SEMA6D: variants seen among roughly 807,000 people sequenced by gnomAD.
SEMA6D encodes the protein semaphorin-6D.
In SEMA6D, 35 loss-of-function variants were observed where a neutral mutation model predicts 106.6. That is an observed-to-expected ratio of 0.33 (90% CI 0.25 to 0.44). SEMA6D has a LOEUF of 0.44. SEMA6D is among the 20% of genes least tolerant of loss of function. SEMA6D has a pLI of 1.00. For missense variants in SEMA6D, 1,185 were observed against 1,345.9 expected (o/e 0.88, Z 1.87); for synonymous variants, 499 against 487.7 (o/e 1.02, Z -0.31).
chr15:47,550,248 G>A lies in SEMA6D; in HGVS notation c.-86-50617G>A, dbSNP rs79155558. 8.0e-3 allele frequency among the ~76,000 whole-genome samples: 1,217 copies of A among 152,244 alleles called. 9 individuals carry two copies. The highest frequency in any genetic ancestry group is 0.012 in the Non-Finnish European group (821 of 68,004). On this transcript the variant is annotated intron_variant, in intron 3 of 19. Coordinates refer to the SEMA6D transcript ENST00000558014. ...TTTGATGCAGGGCAAGAATAACCAA[G>A]CATCTTCTCTGGGTCCATTTTTTAA... is the stretch of plus-strand genomic sequence containing the variant.
intron 1 of SEMA6D, among the ~76,000 whole-genome samples, chr15:47,243,711 G>A (rs1296246571): frequency 6.6e-6 from 1 of 151,908 alleles, no homozygotes; most frequent in Non-Finnish European, 1.5e-5. Context: ...GATCTCTGGT[G>A]TGTGAGTTTT....
intron 2 of SEMA6D, among the ~76,000 whole-genome samples, chr15:47,453,035 C>G (rs1231580085): frequency 6.6e-6 from 1 of 151,786 alleles, no homozygotes; most frequent in Non-Finnish European, 1.5e-5. Flanking sequence ...AAAAGTAAAG[C>G]TCATACCACA....
intron 1 of SEMA6D, among the ~76,000 whole-genome samples, chr15:47,349,680 A>G (rs1406662491): frequency 6.6e-6 from 1 of 152,192 alleles, no homozygotes. Context: ...AGAAAGTGGA[A>G]TTGAGATCAT....
intron 4 of SEMA6D, among the ~76,000 whole-genome samples, chr15:47,708,057 C>T (rs1450798795): frequency 2.0e-5 from 3 of 152,150 alleles, no homozygotes. Flanking sequence ...ATCTTCTGTC[C>T]TGACCCCTAC....
At chr15:47,614,812 G>C (rs1035876626) in intron 4 of SEMA6D, among the ~76,000 whole-genome samples, 1 of 152,218 alleles carries the variant, frequency 6.6e-6, no homozygotes, top group African/African-American at 2.4e-5. Context: ...ATGTGTGACA[G>C]TGACAATTTA....
chr15:47,692,179 A>G (rs1596650461), intron 4 of SEMA6D, among the ~76,000 whole-genome samples: 1 of 152,110 alleles, frequency 6.6e-6, no homozygotes, highest in Non-Finnish European at 1.5e-5. Context: ...TTATATGCAT[A>G]TTTGTTCCTT....
chr15:47,319,110 G>T (rs1390001942), intron 1 of SEMA6D, among the ~76,000 whole-genome samples: 8 of 151,960 alleles, frequency 5.3e-5, no homozygotes, highest in Non-Finnish European at 1.0e-4. Flanking sequence ...TGTTTCGTCA[G>T]CCATGTCCAG....
chr15:47,241,418 G>A (rs1026881202), intron 1 of SEMA6D: 2 of 152,302 alleles, frequency 1.3e-5, no homozygotes, highest in African/African-American at 4.8e-5. Context: ...TGTTTTTGTT[G>A]TTGTTGTTGT....
At chr15:47,613,258 C>G (rs1344321423) in intron 4 of SEMA6D, among the ~76,000 whole-genome samples, 4 of 152,182 alleles carry the variant, frequency 2.6e-5, no homozygotes, top group Admixed American at 2.6e-4. Flanking sequence ...GTTTGAGCCT[C>G]ATTTATTCAT....
chr15:47,606,506 A>G (rs2076785662), intron 4 of SEMA6D, among the ~76,000 whole-genome samples: 1 of 152,152 alleles, frequency 6.6e-6, no homozygotes, highest in Admixed American at 6.5e-5. Context: ...TAGCTTCAGA[A>G]GTGACATGCC....
intron 1 of SEMA6D, among the ~76,000 whole-genome samples, chr15:47,297,015 G>C (rs371266968): frequency 2.0e-5 from 3 of 152,094 alleles, no homozygotes; most frequent in African/African-American, 7.2e-5. Context: ...CCCATTTTGA[G>C]AATTTCTTTC....
chr15:47,314,877 T>C (rs1399324797), intron 1 of SEMA6D, among the ~76,000 whole-genome samples: 1 of 49,820 alleles, frequency 2.0e-5, no homozygotes. Context: ...TTTTTTTTTT[T>C]TTTTTTGAGA....
intron 1 of SEMA6D, among the ~76,000 whole-genome samples, chr15:47,233,535 A>C (rs192400450): frequency 1.2e-4 from 18 of 152,156 alleles, no homozygotes. Flanking sequence ...GGCCATCTTA[A>C]TGATATTGAG....
At chr15:47,684,987 A>T (rs929925194) in intron 4 of SEMA6D, among the ~76,000 whole-genome samples, 1 of 152,236 alleles carries the variant, frequency 6.6e-6, no homozygotes, top group African/African-American at 2.4e-5. Flanking sequence ...TAATAATTAT[A>T]TCACAAAAGA....
In SEMA6D at chr15:47,254,875, TTGTGTG is replaced by T. The variant is rs58271041; in HGVS notation, c.-239+70493_-239+70498del. 8.1e-3 allele frequency among the ~76,000 whole-genome samples: 1,090 copies of T among 134,394 alleles called. 6 individuals carry two copies. Among genetic ancestry groups the T allele is most frequent in the Middle Eastern group, 0.012 (3 of 248 alleles). 88.2% of individuals were successfully genotyped at this position (134,394 alleles called of 152,430 possible). A position where few individuals can be genotyped will look rare whatever the true frequency, so the allele number is the denominator to read the frequency against. ...TCATCAGGGATATTGACCTGTGGTT[TTGTGTG>T]TGTGTGTGTGTGTGTGTGTGTGTGT... On this transcript the variant is annotated intron_variant, in intron 1 of 19. Transcript: ENST00000558014.
intron 1 of SEMA6D, among the ~76,000 whole-genome samples, chr15:47,353,976 A>T (rs982151439): frequency 6.6e-6 from 1 of 152,060 alleles, no homozygotes; most frequent in African/African-American, 2.4e-5. Context: ...TTTCCTAAAA[A>T]AACAGAACTC....
intron 3 of SEMA6D, among the ~76,000 whole-genome samples, chr15:47,552,862 ATAT>A (rs1281791036): frequency 1.3e-4 from 9 of 69,140 alleles, no homozygotes; most frequent in African/African-American, 9.5e-4. Flanking sequence ...AAATATATAT[ATAT>A]TTTTATATAT....
intron 3 of SEMA6D, among the ~76,000 whole-genome samples, chr15:47,560,307 AGAAC>A (rs1185932476): frequency 6.6e-6 from 1 of 151,666 alleles, no homozygotes; most frequent in Non-Finnish European, 1.5e-5. Context: ...ATCTGTTTAA[AGAAC>A]AAAAAGAAAG....
chr15:47,254,140 A>G (rs2141977495), intron 1 of SEMA6D, among the ~76,000 whole-genome samples: 1 of 150,770 alleles, frequency 6.6e-6, no homozygotes, highest in South Asian at 2.1e-4. Context: ...TTTTTAGGCT[A>G]TTTCATTATT....
Sources: allele counts gnomAD v4.1 joint callset (sites outside exome capture counted in the v4.1 genomes callset), GRCh38; gene constraint gnomAD v4.1.1; transcripts MANE v1.5; gene names NCBI Gene and HGNC (gene_info 2026-07-23, HGNC 2026-07-21).